FNDC3B: variants seen among roughly 807,000 people sequenced by gnomAD.
The protein encoded by FNDC3B is fibronectin type III domain containing 3B, also known as fibronectin type III domain-containing protein 3B.
Under a neutral mutation model 151.5 loss-of-function variants are expected in FNDC3B, and 12 were observed. The observed-to-expected ratio is 0.08, with a 90% CI of 0.05 to 0.13. FNDC3B has a LOEUF of 0.13. Ranked by LOEUF, FNDC3B falls within the 10% of genes least tolerant of loss-of-function variation. The probability of loss-of-function intolerance (pLI) is 1.00; values close to 1 mark genes in which losing one functional copy is unlikely to be tolerated. For synonymous variants in FNDC3B, 528 were observed against 549.0 expected, an observed-to-expected ratio of 0.96 and a Z score of 0.54; for missense variants, 1,214 against 1,505.3, an observed-to-expected ratio of 0.81 and a Z score of 3.20.
chr3:172,107,994 C>T (rs1719745789), intron 1 of FNDC3B, among the ~76,000 whole-genome samples: 1 of 151,902 alleles, frequency 6.6e-6, no homozygotes, highest in Non-Finnish European at 1.5e-5. Context: ...ATAGTGAAAC[C>T]CCGTCTCTAC....
intron 8 of FNDC3B, among the ~76,000 whole-genome samples, chr3:172,297,157 G>T (rs939924442): frequency 2.0e-5 from 3 of 152,080 alleles, no homozygotes; most frequent in African/African-American, 7.2e-5. Context: ...TTTTTCAAAA[G>T]ATGCTGAAAA....
At position 172,168,719 on chromosome 3, in the gene FNDC3B, CT is replaced by C. The variant is rs775314296; in HGVS notation, c.187+35188del. 3.7e-3 allele frequency among the ~76,000 whole-genome samples: 498 copies of C among 133,130 alleles called. 10 individuals are homozygous for C. The East Asian group carries it at 0.044, about 12-fold the overall frequency. 87.3% of individuals were successfully genotyped at this position (133,130 alleles called of 152,430 possible). ...TGCTGCTGTGTATCTTTTTCTTTTA[CT>C]TTTTTTTTTTTTTTGAGATGGAGTC... On this transcript the variant is annotated intron_variant, in intron 3 of 25. Coordinates refer to ENST00000415807, the MANE Select transcript of FNDC3B (RefSeq NM_022763.4).
chr3:172,223,956 T>G (rs1726421992), intron 3 of FNDC3B, among the ~76,000 whole-genome samples: 1 of 152,246 alleles, frequency 6.6e-6, no homozygotes, highest in Non-Finnish European at 1.5e-5. Context: ...AAGTAAGAAT[T>G]GTTATTCTCA....
chr3:172,390,676 A>C (rs1184135309), intron 25 of FNDC3B, among the ~76,000 whole-genome samples: 2 of 151,940 alleles, frequency 1.3e-5, no homozygotes, highest in Non-Finnish European at 2.9e-5. Flanking sequence ...AAATAGATAT[A>C]AATATATATT....
At chr3:172,384,940 C>T (rs192411066) in intron 25 of FNDC3B, among the ~76,000 whole-genome samples, 103 of 152,268 alleles carry the variant, frequency 6.8e-4, no homozygotes, top group Non-Finnish European at 2.4e-4. Flanking sequence ...CAGTACTGCA[C>T]GGCAGGCTCA....
At chr3:172,140,110 C>T (rs1721547353) in intron 3 of FNDC3B, among the ~76,000 whole-genome samples, 1 of 152,196 alleles carries the variant, frequency 6.6e-6, no homozygotes, top group South Asian at 2.1e-4. Context: ...TCATGGCCAT[C>T]TTTCTTTCTG....
chr3:172,386,120 C>G (rs978503891), intron 25 of FNDC3B, among the ~76,000 whole-genome samples: 11 of 152,190 alleles, frequency 7.2e-5, no homozygotes, highest in African/African-American at 2.7e-4. Flanking sequence ...AATAAATATT[C>G]CAAGCACAGC....
chr3:172,080,213 A>G (rs1718208734), intron 1 of FNDC3B, among the ~76,000 whole-genome samples: 1 of 152,076 alleles, frequency 6.6e-6, no homozygotes, highest in South Asian at 2.1e-4. Flanking sequence ...TGGTCCTGCT[A>G]TTAACCATGT....
chr3:172,234,863 A>T (rs1727061367), intron 4 of FNDC3B, among the ~76,000 whole-genome samples: 1 of 152,176 alleles, frequency 6.6e-6, no homozygotes, highest in African/African-American at 2.4e-5. Context: ...GCAAAACTTT[A>T]CCAAGGTTAG....
At chr3:172,291,134 G>C (rs1257070943) in intron 7 of FNDC3B, among the ~76,000 whole-genome samples, 2 of 152,182 alleles carry the variant, frequency 1.3e-5, no homozygotes, top group Admixed American at 1.3e-4. Context: ...GGGATGAACA[G>C]GAGAGAAGGT....
chr3:172,125,902 T>C (rs1305251197), intron 2 of FNDC3B, among the ~76,000 whole-genome samples: 1 of 152,228 alleles, frequency 6.6e-6, no homozygotes, highest in Non-Finnish European at 1.5e-5. Context: ...GATGAAGGAC[T>C]GCTTGGACTT....
intron 2 of FNDC3B, among the ~76,000 whole-genome samples, chr3:172,132,292 G>A (rs992650394): frequency 5.9e-5 from 9 of 152,202 alleles, no homozygotes; most frequent in South Asian, 2.1e-4. Flanking sequence ...GGCTTGTTCC[G>A]ATAACTGTAG....
chr3:172,064,564 C>T (rs145166248), intron 1 of FNDC3B, among the ~76,000 whole-genome samples: 1 of 152,314 alleles, frequency 6.6e-6, no homozygotes, highest in African/African-American at 2.4e-5. Flanking sequence ...AAATGTTTTA[C>T]TTAAAAGGGT....
chr3:172,333,671 G>A (rs1732804834), intron 14 of FNDC3B, among the ~76,000 whole-genome samples: 1 of 151,918 alleles, frequency 6.6e-6, no homozygotes, highest in Admixed American at 6.6e-5. Context: ...ACCAACTTGT[G>A]AGCACAAAAA....
At chr3:172,082,967 T>C (rs1718358698) in intron 1 of FNDC3B, among the ~76,000 whole-genome samples, 1 of 152,190 alleles carries the variant, frequency 6.6e-6, no homozygotes, top group African/African-American at 2.4e-5. Context: ...CATGTCTGTA[T>C]ATATGTTTGT....
At chr3:172,218,650 C>T (rs1206579228) in intron 3 of FNDC3B, among the ~76,000 whole-genome samples, 2 of 152,220 alleles carry the variant, frequency 1.3e-5, no homozygotes, top group Non-Finnish European at 2.9e-5. Flanking sequence ...AGTCCTGCAA[C>T]AACCCTTGAA....
At chr3:172,206,091 C>G (rs1230045036) in intron 3 of FNDC3B, among the ~76,000 whole-genome samples, 1 of 152,166 alleles carries the variant, frequency 6.6e-6, no homozygotes, top group African/African-American at 2.4e-5. Flanking sequence ...AACATTTTTA[C>G]AACCGTAGGG....
At chr3:172,137,873 C>A (rs1489048107) in intron 3 of FNDC3B, among the ~76,000 whole-genome samples, 4 of 152,128 alleles carry the variant, frequency 2.6e-5, no homozygotes, top group Non-Finnish European at 5.9e-5. Flanking sequence ...GATTTATTTT[C>A]TCTTGGCCAG....
chr3:172,392,203 G>T (rs1017207477), intron 25 of FNDC3B, among the ~76,000 whole-genome samples: 2 of 152,150 alleles, frequency 1.3e-5, no homozygotes, highest in Non-Finnish European at 2.9e-5. Context: ...GGACCGTAAG[G>T]GGTTTGCTTA....
Sources: gnomAD v4.1 joint callset for allele counts (sites outside exome capture counted in the v4.1 genomes callset) on GRCh38, gnomAD v4.1.1 for gene constraint, MANE v1.5 for transcripts, NCBI Gene and HGNC (gene_info 2026-07-23, HGNC 2026-07-21) for gene names.